The following CDCA7L variants were observed in gnomAD, a reference collection of about 807,000 sequenced individuals.
CDCA7L encodes the protein cell division cycle associated 7 like.
In CDCA7L, 44 loss-of-function variants were observed where a neutral mutation model predicts 57.4. The ratio of observed to expected loss-of-function variants is 0.77; its 90% CI spans 0.60 to 0.98. The LOEUF (loss-of-function observed/expected upper bound fraction) is 0.98. CDCA7L is among the 50% of genes least tolerant of loss of function. CDCA7L has a pLI of 0.00. For missense variants in CDCA7L, 644 were observed against 580.6 expected (o/e 1.11, Z -1.12); for synonymous variants, 236 against 202.8 (o/e 1.16, Z -1.39).
chr7:21,909,088 G>C (rs1393266132), intron 3 of CDCA7L, among the ~76,000 whole-genome samples: 2 of 152,142 alleles, frequency 1.3e-5, no homozygotes, highest in Admixed American at 6.5e-5. Flanking sequence ...GTGAAACCAG[G>C]TCACAAAGCT....
chr7:21,918,869 C>A (rs1785571888), intron 1 of CDCA7L, among the ~76,000 whole-genome samples: 3 of 152,220 alleles, frequency 2.0e-5, no homozygotes. Flanking sequence ...ACAAAAAACA[C>A]CCTTTCTCCT....
At chr7:21,930,419 G>A (rs983810323) in intron 1 of CDCA7L, among the ~76,000 whole-genome samples, 15 of 151,906 alleles carry the variant, frequency 9.9e-5, no homozygotes, top group African/African-American at 2.4e-4. Flanking sequence ...GAGAGTGGCC[G>A]GGTGCAGTGG....
intron 4 of CDCA7L, among the ~76,000 whole-genome samples, chr7:21,907,844 C>T (rs1378262284): frequency 6.6e-6 from 1 of 152,172 alleles, no homozygotes; most frequent in Non-Finnish European, 1.5e-5. Flanking sequence ...CCCAACACAA[C>T]TATATACTTA....
intron 3 of CDCA7L, 108 bp from the exon 4 acceptor site, chr7:21,908,615 A>T: frequency 8.3e-7 from 1 of 1,198,830 alleles, no homozygotes; most frequent in South Asian, 2.0e-5. Flanking sequence ...ATGAAAAATG[A>T]AAAGCTTCCC....
chr7:21,922,975 C>T (rs899754441), intron 1 of CDCA7L, among the ~76,000 whole-genome samples: 11 of 152,032 alleles, frequency 7.2e-5, no homozygotes, highest in African/African-American at 2.7e-4. Context: ...GTTGAATCCT[C>T]GGAGACAGCA....
intron 9 of CDCA7L, 76 bp from the exon 10 acceptor site, chr7:21,902,428 A>AATCATCT: frequency 7.1e-7 from 1 of 1,401,246 alleles, no homozygotes; most frequent in Non-Finnish European, 1.0e-6. Context: ...GAGATTCCAC[A>AATCATCT]ATCATCTAAG....
intron 1 of CDCA7L, among the ~76,000 whole-genome samples, chr7:21,924,521 A>C (rs889993866): frequency 2.0e-5 from 3 of 152,216 alleles, no homozygotes; most frequent in Non-Finnish European, 4.4e-5. Context: ...TTTCTTATGC[A>C]AAATCATTTC....
intron 8 of CDCA7L, chr7:21,903,909 T>TCTTCTATTCACTGGTCAGCTTGC: frequency 2.3e-6 from 1 of 440,956 alleles, no homozygotes. Context: ...CAACATTAAT[T>TCTTCTATTCACTGGTCAGCTTGC]CTTCTATTCA....
rs191538264 is a variant in CDCA7L, at chr7:21,923,950, T to C, written c.25-7056A>G. Among the ~76,000 whole-genome samples the C allele has an allele frequency of 4.6e-5, 7 of 152,356 alleles. No individual in the cohort carries two copies. The East Asian group carries it at 1.2e-3, about 25-fold the overall frequency. ...ATTTTGACCTTTGTCAGCCTGAGTC[T>C]CCATTAAAATTCAATTTAAAAAACT... On this transcript the variant is annotated intron_variant, in intron 1 of 9. Transcript: ENST00000406877.
Position 21,901,069 on chromosome 7 carries a change from C to G in CDCA7L, c.*1253G>C. Reference sequence around the variant, plus strand: ...AGCCCGTCTCAAGGAGCTGGCATGCCCTATGCCGGTCATCTTTGCAAAAGC... The same window carrying G: ...AGCCCGTCTCAAGGAGCTGGCATGCGCTATGCCGGTCATCTTTGCAAAAGC... On this transcript the variant is annotated 3_prime_UTR_variant, in exon 10 of 10. Coordinates refer to ENST00000406877, the MANE Select transcript of CDCA7L (RefSeq NM_018719.5). 1 of 1,613,912 alleles carries G rather than the reference C, an allele frequency of 6.2e-7. No homozygotes were observed. The highest frequency in any genetic ancestry group is 1.3e-5 in the African/African-American group (1 of 75,038).
rs1784807172 is a variant in CDCA7L at position 21,901,182 on chromosome 7, C to CTTCAGGCTGA, written c.*1130_*1139dup. ...TGAGAGGCCCCAGCTACATCTGGAC[C>CTTCAGGCTGA]TTCAGGCTGAAGAGCGAAGAGAAGA... is the stretch of plus-strand genomic sequence containing the variant. On this transcript the variant is annotated 3_prime_UTR_variant, in exon 10 of 10. Coordinates refer to ENST00000406877, the MANE Select transcript of CDCA7L (RefSeq NM_018719.5). 1 of 1,613,004 alleles carries CTTCAGGCTGA rather than the reference C, an allele frequency of 6.2e-7. No individual in the cohort carries two copies. The highest frequency in any genetic ancestry group is 8.5e-7 in the Non-Finnish European group (1 of 1,179,504).
At position 21,901,344 on chromosome 7, in the gene CDCA7L, C is replaced by CTTTTTAGTAA; in HGVS notation, c.*968_*977dup. The CTTTTTAGTAA allele has an allele frequency of 7.2e-7, 1 of 1,384,736 alleles. No individual in the cohort carries two copies. The highest frequency in any genetic ancestry group is 9.4e-7 in the Non-Finnish European group (1 of 1,058,306). 85.8% of individuals were successfully genotyped at this position (1,384,736 alleles called of 1,614,324 possible). On this transcript the variant is annotated 3_prime_UTR_variant, in exon 10 of 10. Transcript: ENST00000406877. Reference sequence around the variant, plus strand: ...ACTGTTCCCATGCACATTATTCTAACTTTTTAGTAACTCACACGTGCATTC... The same window carrying CTTTTTAGTAA: ...ACTGTTCCCATGCACATTATTCTAACTTTTTAGTAATTTTTAGTAACTCACACGTGCATTC...
chr7:21,913,444 T>C (rs1355352369), intron 2 of CDCA7L, among the ~76,000 whole-genome samples: 1 of 152,200 alleles, frequency 6.6e-6, no homozygotes, highest in Non-Finnish European at 1.5e-5. Context: ...TTCATGCAGC[T>C]TCTCTCTATT....
intron 1 of CDCA7L, among the ~76,000 whole-genome samples, chr7:21,930,970 T>G (rs533958917): frequency 1.6e-3 from 243 of 152,108 alleles, no homozygotes; most frequent in Admixed American, 2.6e-3. Context: ...CCAACAGAAA[T>G]ACAAACTACC....
chr7:21,927,677 C>G (rs938094697), intron 1 of CDCA7L, among the ~76,000 whole-genome samples: 2 of 152,176 alleles, frequency 1.3e-5, no homozygotes, highest in African/African-American at 4.8e-5. Context: ...CCCAGAAGCT[C>G]AAGGAATTCC....
intron 7 of CDCA7L, among the ~76,000 whole-genome samples, chr7:21,905,085 C>CA (rs1785095661): frequency 6.6e-6 from 1 of 152,150 alleles, no homozygotes; most frequent in Non-Finnish European, 1.5e-5. Context: ...ATGCAGAACG[C>CA]AAAGCCTCCC....
At chr7:21,923,138 T>C (rs991724349) in intron 1 of CDCA7L, among the ~76,000 whole-genome samples, 22 of 152,096 alleles carry the variant, frequency 1.4e-4, no homozygotes, top group Admixed American at 3.9e-4. Flanking sequence ...AGATAGGAGA[T>C]TTTATGTTAT....
intron 2 of CDCA7L, among the ~76,000 whole-genome samples, chr7:21,914,429 A>T (rs1026218053): frequency 2.0e-5 from 3 of 152,234 alleles, no homozygotes; most frequent in Non-Finnish European, 4.4e-5. Flanking sequence ...GCTCTAAGGG[A>T]TACAAAGCAA....
chr7:21,939,890 C>G (rs1786286218), intron 1 of CDCA7L, among the ~76,000 whole-genome samples: 2 of 151,244 alleles, frequency 1.3e-5, no homozygotes. Flanking sequence ...ATAGGAGCAC[C>G]CTGGTCTGTT....
Sources: allele counts gnomAD v4.1 joint callset (sites outside exome capture counted in the v4.1 genomes callset), GRCh38; gene constraint gnomAD v4.1.1; transcripts MANE v1.5; gene names NCBI Gene and HGNC (gene_info 2026-07-23, HGNC 2026-07-21).